Variants in RBFOX1 observed in about 807,000 individuals in gnomAD.
The protein encoded by RBFOX1 is RNA binding protein fox-1 homolog 1.
In RBFOX1, 8 loss-of-function variants were observed where a neutral mutation model predicts 57.7. That is an observed-to-expected ratio of 0.14 (90% CI 0.08 to 0.25). The LOEUF is 0.25. Ranked by LOEUF, RBFOX1 falls within the 10% of genes least tolerant of loss-of-function variation. RBFOX1 has a pLI of 1.00. For synonymous variants in RBFOX1, 326 were observed against 222.4 expected, an observed-to-expected ratio of 1.47 and a Z score of -4.15; for missense variants, 611 against 548.5, an observed-to-expected ratio of 1.11 and a Z score of -1.14.
chr16:6,167,738 C>T (rs1304888505), intron 1 of RBFOX1, among the ~76,000 whole-genome samples: 1 of 152,142 alleles, frequency 6.6e-6, no homozygotes, highest in Admixed American at 6.6e-5. Context: ...TCAGCCTCAT[C>T]ATTCTTGGAT....
In RBFOX1 at chr16:5,332,858, G is replaced by T. The variant is rs9935610; in HGVS notation, c.219+92753G>T. On this transcript the variant is annotated intron_variant, in intron 1 of 2. Coordinates refer to the RBFOX1 transcript ENST00000585867. ...CAGCCCTATTATTTTCTGTTCCCGA[G>T]TCACCAGGTAGGAACAAGTTATCTT... is the stretch of plus-strand genomic sequence containing the variant. 4.3e-3 allele frequency among the ~76,000 whole-genome samples: 654 copies of T among 152,042 alleles called. 6 individuals are homozygous for T. The highest frequency in any genetic ancestry group is 0.015 in the African/African-American group (612 of 41,468).
At chr16:6,611,179 C>T (rs1022207701) in intron 2 of RBFOX1, among the ~76,000 whole-genome samples, 3 of 152,146 alleles carry the variant, frequency 2.0e-5, no homozygotes, top group African/African-American at 4.8e-5. Context: ...GACGAAGTCT[C>T]TCTGTCACCC....
chr16:6,289,551 T>C (rs1424315721), intron 1 of RBFOX1, among the ~76,000 whole-genome samples: 4 of 152,180 alleles, frequency 2.6e-5, no homozygotes, highest in Non-Finnish European at 5.9e-5. Flanking sequence ...TGGTAATAGC[T>C]GGAAGACTGT....
chr16:6,596,428 C>A (rs567061431), intron 2 of RBFOX1, among the ~76,000 whole-genome samples: 1 of 152,246 alleles, frequency 6.6e-6, no homozygotes, highest in East Asian at 1.9e-4. Context: ...TGCGTCACTG[C>A]AGTTGTTTAA....
At chr16:6,508,447 C>G (rs1190431581) in intron 2 of RBFOX1, among the ~76,000 whole-genome samples, 4 of 151,916 alleles carry the variant, frequency 2.6e-5, no homozygotes, top group African/African-American at 7.3e-5. Context: ...GGTTTTTTAA[C>G]CACAGTAAAA....
At chr16:5,928,893 G>T (rs904163024) in intron 4 of RBFOX1, among the ~76,000 whole-genome samples, 1 of 151,952 alleles carries the variant, frequency 6.6e-6, no homozygotes, top group Admixed American at 6.6e-5. Flanking sequence ...GACAGCCCAT[G>T]TTCAAATAAG....
At chr16:5,828,568 G>A (rs1340260452) in intron 3 of RBFOX1, among the ~76,000 whole-genome samples, 1 of 152,050 alleles carries the variant, frequency 6.6e-6, no homozygotes, top group Non-Finnish European at 1.5e-5. Context: ...GCGTGGTGGT[G>A]CACGCCTGTA....
At chr16:6,835,595 TA>T (rs564126622) in intron 3 of RBFOX1, among the ~76,000 whole-genome samples, 2 of 150,304 alleles carry the variant, frequency 1.3e-5, no homozygotes, top group African/African-American at 4.9e-5. Flanking sequence ...CTACCAAAAA[TA>T]AAAAAAAGTA....
rs551610526 is a variant in RBFOX1 at position 5,936,974 on chromosome 16, C to T, written c.351+69639C>T. On this transcript the variant is annotated intron_variant, in intron 4 of 19. Transcript: ENST00000641259. ...GTTTTTCACTTACATATTTCTGCTC[C>T]TATATAATCAGTGTCAGTGTACCTT... Among the ~76,000 whole-genome samples, 9 of 152,264 alleles carry T rather than the reference C, an allele frequency of 5.9e-5. No homozygotes were observed. The South Asian group carries it at 1.2e-3, about 21-fold the overall frequency.
In RBFOX1 at chr16:6,819,888, C is replaced by T. The variant is rs74961452; in HGVS notation, c.-16+165238C>T. Among the ~76,000 whole-genome samples, 540 of 152,198 alleles carry T rather than the reference C, an allele frequency of 3.5e-3. 12 individuals are homozygous for T. In the East Asian group the frequency reaches 0.047, roughly 13 times the overall value. Reference sequence around the variant, plus strand: ...CTACAATGTAAGTGCTTTCCTCAAGCATACCTTACAGAGCTCTGCACATCA... The same window carrying T: ...CTACAATGTAAGTGCTTTCCTCAAGTATACCTTACAGAGCTCTGCACATCA... On this transcript the variant is annotated intron_variant, in intron 3 of 15. Transcript: ENST00000550418.
intron 3 of RBFOX1, among the ~76,000 whole-genome samples, chr16:6,701,084 C>T (rs1353006416): frequency 6.6e-6 from 1 of 151,846 alleles, no homozygotes; most frequent in Non-Finnish European, 1.5e-5. Context: ...CCTCAGCTGA[C>T]CCATTGGGGA....
At chr16:6,619,036 G>T (rs547342565) in intron 2 of RBFOX1, among the ~76,000 whole-genome samples, 63 of 152,260 alleles carry the variant, frequency 4.1e-4, no homozygotes, top group African/African-American at 1.4e-3. Flanking sequence ...CAGGGGATCA[G>T]GGAGAAGAGT....
chr16:6,772,981 G>GTGTT (rs1276983310), intron 3 of RBFOX1, among the ~76,000 whole-genome samples: 3 of 141,894 alleles, frequency 2.1e-5, no homozygotes, highest in African/African-American at 8.0e-5. Context: ...TTGTGTGCGT[G>GTGTT]TGTGTGGGTG....
chr16:7,413,883 G>A (rs1415807081), intron 4 of RBFOX1, among the ~76,000 whole-genome samples: 1 of 152,058 alleles, frequency 6.6e-6, no homozygotes, highest in East Asian at 1.9e-4. Flanking sequence ...GCTTTTGCGA[G>A]GATTAATTGG....
chr16:5,640,772 C>T lies in RBFOX1; in HGVS notation c.318+41811C>T, dbSNP rs559680699. ...CATGTACACCATGGATACACACAGG[C>T]ACATACACACACCATGCATACACAC... On this transcript the variant is annotated intron_variant, in intron 3 of 19. Coordinates refer to the RBFOX1 transcript ENST00000641259. Among the ~76,000 whole-genome samples the T allele has an allele frequency of 5.2e-3, 783 of 150,540 alleles. 7 individuals carry two copies. Among genetic ancestry groups the T allele is most frequent in the Admixed American group, 7.5e-3 (114 of 15,162 alleles).
chr16:7,669,059 C>A (rs1025730079), intron 13 of RBFOX1, among the ~76,000 whole-genome samples: 4 of 152,210 alleles, frequency 2.6e-5, no homozygotes, highest in African/African-American at 9.6e-5. Context: ...CACTCGCCAC[C>A]ATGCCCAGCT....
intron 1 of RBFOX1, among the ~76,000 whole-genome samples, chr16:6,299,201 G>C (rs2078498758): frequency 6.6e-6 from 1 of 152,120 alleles, no homozygotes; most frequent in African/African-American, 2.4e-5. Context: ...TCCGATGCAG[G>C]GGCCTTAGCC....
At chr16:5,693,201 G>A (rs553578330) in intron 3 of RBFOX1, among the ~76,000 whole-genome samples, 6 of 152,014 alleles carry the variant, frequency 3.9e-5, no homozygotes, top group African/African-American at 1.2e-4. Context: ...CTTCTCTCCT[G>A]CCCATGGGCC....
chr16:7,337,026 A>G (rs960187223), intron 4 of RBFOX1, among the ~76,000 whole-genome samples: 2 of 152,262 alleles, frequency 1.3e-5, no homozygotes, highest in South Asian at 4.1e-4. Context: ...TTTCTGAAAA[A>G]GCCCCCAAAA....
Sources: allele counts gnomAD v4.1 joint callset (sites outside exome capture counted in the v4.1 genomes callset), GRCh38; gene constraint gnomAD v4.1.1; transcripts MANE v1.5; gene names NCBI Gene and HGNC (gene_info 2026-07-23, HGNC 2026-07-21).